The following SLC6A11 variants were observed in gnomAD, a reference collection of about 807,000 sequenced individuals.
SLC6A11 encodes sodium- and chloride-dependent GABA transporter 3.
In SLC6A11, 25 loss-of-function variants were observed where a neutral mutation model predicts 74.8. The observed-to-expected ratio is 0.33, with a 90% CI of 0.24 to 0.47. The LOEUF (loss-of-function observed/expected upper bound fraction) is 0.47. Among genes scored for constraint, SLC6A11 ranks in the 20% least tolerant of loss-of-function variants. The probability of loss-of-function intolerance (pLI) is 1.00; values close to 1 mark genes in which losing one functional copy is unlikely to be tolerated. For missense variants in SLC6A11, 574 were observed against 837.0 expected, an observed-to-expected ratio of 0.69 and a Z score of 3.88; for synonymous variants, 330 against 330.2, an observed-to-expected ratio of 1.00 and a Z score of 0.01.
intron 8 of SLC6A11, among the ~76,000 whole-genome samples, chr3:10,919,679 A>C (rs1230313330): frequency 2.0e-5 from 3 of 152,240 alleles, no homozygotes; most frequent in African/African-American, 7.2e-5. Flanking sequence ...TGAGGAAATC[A>C]GGCGTACAAG....
chr3:10,931,800 G>A (rs915388008), intron 10 of SLC6A11, among the ~76,000 whole-genome samples: 1 of 152,186 alleles, frequency 6.6e-6, no homozygotes, highest in East Asian at 1.9e-4. Context: ...CGTATCATCT[G>A]TCTGGCCTTG....
At chr3:10,894,753 A>G (rs149286745) in intron 6 of SLC6A11, among the ~76,000 whole-genome samples, 1 of 152,326 alleles carries the variant, frequency 6.6e-6, no homozygotes, top group Non-Finnish European at 1.5e-5. Context: ...ATGCAATACA[A>G]TCAATCATGT....
At chr3:10,855,848 C>T (rs1306578455) in intron 5 of SLC6A11, among the ~76,000 whole-genome samples, 1 of 152,178 alleles carries the variant, frequency 6.6e-6, no homozygotes, top group Non-Finnish European at 1.5e-5. Flanking sequence ...TGTACAATGA[C>T]CAGAAAGCTA....
chr3:10,906,069 T>G (rs374588167), intron 6 of SLC6A11, among the ~76,000 whole-genome samples: 3 of 152,126 alleles, frequency 2.0e-5, no homozygotes, highest in East Asian at 1.9e-4. Flanking sequence ...CTTCTCCAAA[T>G]TAATACCCAT....
At chr3:10,837,383 G>C (rs1027730308) in intron 4 of SLC6A11, among the ~76,000 whole-genome samples, 1 of 152,040 alleles carries the variant, frequency 6.6e-6, no homozygotes, top group Non-Finnish European at 1.5e-5. Flanking sequence ...GGCTCCCCAG[G>C]GTACTGGCTC....
At chr3:10,936,021 A>G (rs1319776131) in intron 13 of SLC6A11, among the ~76,000 whole-genome samples, 1 of 152,014 alleles carries the variant, frequency 6.6e-6, no homozygotes, top group African/African-American at 2.4e-5. Context: ...CAGCAACTGA[A>G]TCGTTACTGA....
intron 6 of SLC6A11, among the ~76,000 whole-genome samples, chr3:10,885,070 C>T (rs752207864): frequency 3.3e-5 from 5 of 152,180 alleles, no homozygotes; most frequent in African/African-American, 9.7e-5. Context: ...TCTTGATCAC[C>T]GCTGCTCCCT....
chr3:10,876,842 AC>A (rs990701921), intron 6 of SLC6A11, among the ~76,000 whole-genome samples: 1 of 148,350 alleles, frequency 6.7e-6, no homozygotes, highest in Non-Finnish European at 1.5e-5. Context: ...GCCATTTTCT[AC>A]CATCTGCTTC....
chr3:10,929,425 G>A (rs953130113), intron 10 of SLC6A11, 86 bp downstream of exon 10: 27 of 1,486,640 alleles, frequency 1.8e-5, no homozygotes, highest in African/African-American at 4.1e-5. Context: ...TGTGTGACCC[G>A]GGTCAGGTCT....
At chr3:10,842,480 C>A (rs1367735521) in intron 4 of SLC6A11, among the ~76,000 whole-genome samples, 1 of 152,168 alleles carries the variant, frequency 6.6e-6, no homozygotes, top group African/African-American at 2.4e-5. Flanking sequence ...CTCATAGATT[C>A]TCTTAAAGGC....
chr3:10,916,084 T>A (rs1430643031), intron 7 of SLC6A11, among the ~76,000 whole-genome samples: 5 of 152,184 alleles, frequency 3.3e-5, no homozygotes, highest in Non-Finnish European at 7.3e-5. Context: ...AAGGCTTTCC[T>A]CCCTGGTATC....
chr3:10,918,372 G>A lies in SLC6A11; in HGVS notation c.1039G>A (p.Val347Met), dbSNP rs376135284. Residue 347 changes from valine to methionine, a missense_variant, in exon 8 of 14, where the codon GTG becomes ATG. By Grantham distance (21) the Val-to-Met change is conservative. Around this residue, in one of 4 missense-constraint regions of SLC6A11, gnomAD observed 16 missense variants for 50.1 expected, o/e 0.32. Coordinates refer to ENST00000254488, the MANE Select transcript of SLC6A11 (RefSeq NM_014229.3). The surrounding 1 kb of genome is among the most constrained non-coding windows in gnomAD (Gnocchi z 4.5). ...LCCLNSGTSF[V>M]AGFAIFSVLG... ...TTGCCTGAACAGCGGCACCAGCTTC[G>A]TGGCTGGGTTTGCCATCTTCTCAGT... The A allele has an allele frequency of 3.1e-5, 50 of 1,608,944 alleles. No homozygotes were observed. The highest frequency in any genetic ancestry group is 1.6e-4 in the Middle Eastern group (1 of 6,066).
intron 8 of SLC6A11, among the ~76,000 whole-genome samples, chr3:10,923,095 A>G: frequency 6.6e-6 from 1 of 152,150 alleles, no homozygotes; most frequent in East Asian, 1.9e-4. Context: ...TCATCTATGT[A>G]CAGATAGATA....
chr3:10,850,504 A>C (rs1172876728), intron 5 of SLC6A11, among the ~76,000 whole-genome samples: 2 of 152,074 alleles, frequency 1.3e-5, no homozygotes, highest in African/African-American at 4.8e-5. Context: ...GTATAGTGAG[A>C]GGGAGCACAG....
intron 8 of SLC6A11, among the ~76,000 whole-genome samples, chr3:10,920,701 C>G (rs78465049): frequency 2.6e-5 from 4 of 152,216 alleles, no homozygotes; most frequent in Non-Finnish European, 5.9e-5. Context: ...CACAGCAGTC[C>G]TAGCTTTTAC....
chr3:10,857,045 A>C (rs559096951), intron 5 of SLC6A11, among the ~76,000 whole-genome samples: 1 of 152,334 alleles, frequency 6.6e-6, no homozygotes, highest in East Asian at 1.9e-4. Flanking sequence ...CCAACTTCAA[A>C]GTGCTCTCTA....
chr3:10,935,460 C>G lies in SLC6A11; in HGVS notation c.1746+261C>G, dbSNP rs1444723778. On this transcript the variant is annotated intron_variant, in intron 13 of 13. Coordinates refer to ENST00000254488, the MANE Select transcript of SLC6A11 (RefSeq NM_014229.3). ...TGGGATAACCACAGTACCTAACTTACAGAGGCTGTGAGAACTCAGTGAGTT... is the reference window on the plus strand; with the variant it reads ...TGGGATAACCACAGTACCTAACTTAGAGAGGCTGTGAGAACTCAGTGAGTT... The G allele has an allele frequency of 2.5e-5, 11 of 433,230 alleles. No individual in the cohort carries two copies. The South Asian group carries it at 3.1e-4, about 12-fold the overall frequency. The allele number at this position is 433,230 out of a possible 1,614,324, so 26.8% of individuals were successfully genotyped here. A position where few individuals can be genotyped will look rare whatever the true frequency, so the allele number is the denominator to read the frequency against.
chr3:10,933,029 CAG>C (rs1405063028), intron 10 of SLC6A11, 120 bp from the exon 11 acceptor site: 1 of 714,810 alleles, frequency 1.4e-6, no homozygotes. Flanking sequence ...TAGGGAGAAA[CAG>C]ATTCCTGGCA....
At chr3:10,906,723 T>C (rs1268355528) in intron 6 of SLC6A11, among the ~76,000 whole-genome samples, 1 of 152,072 alleles carries the variant, frequency 6.6e-6, no homozygotes, top group African/African-American at 2.4e-5. Context: ...GGAAGCAGAC[T>C]CCAAATTGAG....
Sources: allele counts gnomAD v4.1 joint callset (sites outside exome capture counted in the v4.1 genomes callset), GRCh38; gene constraint gnomAD v4.1.1; regional missense constraint gnomAD v4.1.1; non-coding constraint Gnocchi (gnomAD v3.1); transcripts MANE v1.5; gene names NCBI Gene and HGNC (gene_info 2026-07-23, HGNC 2026-07-21).